Variants in CNTN3 observed in about 807,000 individuals in gnomAD.
The protein encoded by CNTN3 is contactin 3.
A neutral mutation model predicts 119.1 loss-of-function variants in CNTN3; 60 were observed. The observed-to-expected ratio is 0.50, with a 90% CI of 0.41 to 0.62. The LOEUF is 0.62. Among genes scored for constraint, CNTN3 ranks in the 20% least tolerant of loss-of-function variants. The pLI is 0.00. For missense variants in CNTN3, 1,101 were observed against 1,242.4 expected (o/e 0.89, Z 1.71); for synonymous variants, 450 against 438.7 (o/e 1.03, Z -0.32).
At chr3:74,295,450 G>T (rs748275615) in intron 18 of CNTN3, among the ~76,000 whole-genome samples, 18 of 152,190 alleles carry the variant, frequency 1.2e-4, no homozygotes, top group Non-Finnish European at 2.6e-4. Context: ...CTAAACAGCT[G>T]TGGCAACCTA....
chr3:74,368,393 A>G (rs941417357), intron 8 of CNTN3, among the ~76,000 whole-genome samples: 21 of 152,220 alleles, frequency 1.4e-4, no homozygotes, highest in African/African-American at 5.1e-4. Flanking sequence ...AGAGTGGTCA[A>G]TTCCCACTAG....
chr3:74,419,056 C>T (rs566614222), intron 5 of CNTN3, among the ~76,000 whole-genome samples: 19 of 152,134 alleles, frequency 1.2e-4, no homozygotes, highest in Admixed American at 2.6e-4. Flanking sequence ...CTCGGCCTCC[C>T]AAAGTGCTAG....
intron 16 of CNTN3, among the ~76,000 whole-genome samples, 179 bp downstream of exon 16, chr3:74,301,219 T>C (rs1702446565): frequency 1.3e-5 from 2 of 152,130 alleles, no homozygotes; most frequent in Admixed American, 1.3e-4. Context: ...TACATCAGAG[T>C]CACTTACATG....
chr3:74,481,332 A>T (rs559313981), intron 4 of CNTN3, among the ~76,000 whole-genome samples: 4 of 151,872 alleles, frequency 2.6e-5, no homozygotes, highest in African/African-American at 9.7e-5. Flanking sequence ...ATCATTTATT[A>T]AAAAAACTAA....
intron 1 of CNTN3, among the ~76,000 whole-genome samples, chr3:74,533,966 C>T (rs546038466): frequency 1.3e-5 from 2 of 152,114 alleles, no homozygotes; most frequent in Admixed American, 1.3e-4. Flanking sequence ...CCACCCACTG[C>T]AAACAATTAT....
intron 1 of CNTN3, among the ~76,000 whole-genome samples, chr3:74,523,754 T>A (rs932519447): frequency 6.6e-6 from 1 of 151,898 alleles, no homozygotes; most frequent in Non-Finnish European, 1.5e-5. Flanking sequence ...CTCTGCCCTA[T>A]GTCATTTGGA....
At chr3:74,441,582 A>G (rs1244247566) in intron 4 of CNTN3, among the ~76,000 whole-genome samples, 3 of 152,316 alleles carry the variant, frequency 2.0e-5, no homozygotes, top group South Asian at 4.1e-4. Context: ...AAGATTTCTT[A>G]GTTTAAATTT....
chr3:74,398,757 C>T (rs1575687933), intron 5 of CNTN3, among the ~76,000 whole-genome samples: 1 of 152,158 alleles, frequency 6.6e-6, no homozygotes, highest in Admixed American at 6.5e-5. Context: ...GCCTTAAAGA[C>T]ACTTAGGTAA....
chr3:74,556,243 A>G (rs1164079649), intron 1 of CNTN3, among the ~76,000 whole-genome samples: 3 of 152,160 alleles, frequency 2.0e-5, no homozygotes, highest in African/African-American at 7.2e-5. Context: ...TCACTATCTA[A>G]GAACACTATC....
At chr3:74,578,871 G>T (rs1704457992) in intron 1 of CNTN3, among the ~76,000 whole-genome samples, 1 of 151,800 alleles carries the variant, frequency 6.6e-6, no homozygotes, top group Non-Finnish European at 1.5e-5. Context: ...CACATTCATT[G>T]GTCTATGTAT....
intron 13 of CNTN3, among the ~76,000 whole-genome samples, chr3:74,316,608 G>C (rs1414778416): frequency 6.6e-6 from 1 of 152,110 alleles, no homozygotes; most frequent in African/African-American, 2.4e-5. Flanking sequence ...ATGGGAGACT[G>C]GGTAAAGAAA....
intron 4 of CNTN3, among the ~76,000 whole-genome samples, chr3:74,454,001 G>T (rs1575741659): frequency 1.3e-5 from 2 of 149,410 alleles, no homozygotes; most frequent in Non-Finnish European, 1.5e-5. Flanking sequence ...ATTTGGGGTG[G>T]AGAGTTCTGT....
At chr3:74,285,790 G>GATATGTATGT in intron 19 of CNTN3, among the ~76,000 whole-genome samples, 2 of 56,544 alleles carry the variant, frequency 3.5e-5, no homozygotes, top group South Asian at 2.2e-3. Context: ...ATGAAGGGGA[G>GATATGTATGT]ATATATATAT....
intron 5 of CNTN3, among the ~76,000 whole-genome samples, chr3:74,421,783 A>G (rs148878595): frequency 5.0e-4 from 76 of 152,284 alleles, no homozygotes; most frequent in African/African-American, 1.8e-3. Flanking sequence ...CATCAGTTGT[A>G]CTGATATACC....
At chr3:74,589,561 G>A (rs1288329915) in intron 1 of CNTN3, among the ~76,000 whole-genome samples, 2 of 141,782 alleles carry the variant, frequency 1.4e-5, no homozygotes, top group Non-Finnish European at 3.1e-5. Context: ...ATTCCTCAGG[G>A]ATCTAGAACT....
At chr3:74,425,391 C>A (rs1369023018) in intron 4 of CNTN3, among the ~76,000 whole-genome samples, 2 of 152,134 alleles carry the variant, frequency 1.3e-5, no homozygotes, top group African/African-American at 4.8e-5. Flanking sequence ...TTTCCCAGAA[C>A]CTAGAGAGAA....
At chr3:74,513,656 A>G (rs879307098) in intron 2 of CNTN3, among the ~76,000 whole-genome samples, 1 of 151,858 alleles carries the variant, frequency 6.6e-6, no homozygotes, top group Non-Finnish European at 1.5e-5. Context: ...AAAAAAAAAA[A>G]GAGCAGCTTC....
In CNTN3 at chr3:74,301,639, T is replaced by G; in HGVS notation, c.1945+8A>C. On this transcript the variant is annotated splice_region_variant and intron_variant, in intron 15 of 22. Transcript: ENST00000263665. ...GTGTGCAGATGACATCTGCCTCTCC[T>G]GCTTTACCTGTTGTGACGGTTTGCC... The G allele has an allele frequency of 6.2e-7, 1 of 1,613,866 alleles. No individual in the cohort carries two copies.
intron 1 of CNTN3, among the ~76,000 whole-genome samples, chr3:74,550,253 TAAAAG>T (rs1437289877): frequency 2.0e-5 from 3 of 152,080 alleles, no homozygotes; most frequent in Non-Finnish European, 4.4e-5. Flanking sequence ...CGTTTTCTGT[TAAAAG>T]AAAAGGAGCC....
Sources: allele counts gnomAD v4.1 joint callset (sites outside exome capture counted in the v4.1 genomes callset), GRCh38; gene constraint gnomAD v4.1.1; transcripts MANE v1.5; gene names NCBI Gene and HGNC (gene_info 2026-07-23, HGNC 2026-07-21).